SNX9: variants seen among roughly 807,000 people sequenced by gnomAD.
SNX9 encodes sorting nexin-9.
Under a neutral mutation model 89.4 loss-of-function variants are expected in SNX9, and 44 were observed. The observed-to-expected ratio is 0.49, with a 90% CI of 0.39 to 0.63. The LOEUF is 0.63. Among genes scored for constraint, SNX9 ranks in the 30% least tolerant of loss-of-function variants. The pLI is 0.00. For missense variants in SNX9, 578 were observed against 736.1 expected, an observed-to-expected ratio of 0.79 and a Z score of 2.49; for synonymous variants, 236 against 247.8, an observed-to-expected ratio of 0.95 and a Z score of 0.45.
At chr6:157,854,421 A>C (rs142285018) in intron 1 of SNX9, among the ~76,000 whole-genome samples, 76 of 152,364 alleles carry the variant, frequency 5.0e-4, no homozygotes, top group African/African-American at 8.7e-4. Context: ...AATATGAATA[A>C]ATAAAAGTCC....
chr6:157,823,514 CG>C lies in SNX9; in HGVS notation c.12+72del. On this transcript the variant is annotated intron_variant, in intron 1 of 17. Transcript: ENST00000392185. The surrounding 1 kb of genome is among the most constrained non-coding windows in gnomAD (Gnocchi z 4.6). ...GGGGCGGCGCGGAGAGGGTCGGGGC[CG>C]GGGCCGCGGGGAGGGTCGGGGCCAG... 1 of 1,101,154 alleles carries C rather than the reference CG, an allele frequency of 9.1e-7. No individual in the cohort carries two copies. The highest frequency in any genetic ancestry group is 1.1e-6 in the Non-Finnish European group (1 of 891,020). 68.2% of individuals were successfully genotyped at this position (1,101,154 alleles called of 1,614,324 possible).
chr6:157,871,688 A>T (rs1479399995), intron 2 of SNX9, among the ~76,000 whole-genome samples: 1 of 152,084 alleles, frequency 6.6e-6, no homozygotes, highest in East Asian at 1.9e-4. Context: ...AATAATTTTT[A>T]AAAATTTTTA....
At chr6:157,865,355 A>AC (rs1002897548) in intron 1 of SNX9, among the ~76,000 whole-genome samples, 3 of 152,020 alleles carry the variant, frequency 2.0e-5, no homozygotes, top group African/African-American at 7.2e-5. Flanking sequence ...AAAAAAAAAA[A>AC]AAAACACCAC....
intron 1 of SNX9, among the ~76,000 whole-genome samples, chr6:157,852,585 TTTTG>T (rs145766882): frequency 0.057 from 7,601 of 132,716 alleles, 209 homozygotes; most frequent in East Asian, 0.11. Flanking sequence ...TACTTTTTTG[TTTTG>T]TTTTTTTGAG....
rs1484938597 is a variant in SNX9, at chr6:157,894,106, C to CTTTTCTT, written c.301-2717_301-2716insCTTTTTT. ...TTCTTTTTCTTTTCGCTTTTCTTTT[C>CTTTTCTT]TTTTTTTTTTTTTTTTTTTTTGAGA... On this transcript the variant is annotated intron_variant, in intron 4 of 17. Transcript: ENST00000392185. 9.4e-4 allele frequency among the ~76,000 whole-genome samples: 84 copies of CTTTTCTT among 89,538 alleles called. 1 individual carries two copies. The highest frequency in any genetic ancestry group is 3.6e-3 in the African/African-American group (79 of 22,000). 58.7% of individuals were successfully genotyped at this position (89,538 alleles called of 152,430 possible). A position where few individuals can be genotyped will look rare whatever the true frequency, so the allele number is the denominator to read the frequency against.
chr6:157,925,265 T>TCACAAGGGG (rs1298089706), intron 10 of SNX9, among the ~76,000 whole-genome samples: 2 of 151,122 alleles, frequency 1.3e-5, no homozygotes, highest in African/African-American at 4.9e-5. Flanking sequence ...CTAATCTCAT[T>TCACAAGGGG]AGCAATCAAT....
chr6:157,906,542 A>C (rs1405322029), intron 7 of SNX9, among the ~76,000 whole-genome samples: 1 of 152,210 alleles, frequency 6.6e-6, no homozygotes, highest in Admixed American at 6.5e-5. Context: ...ACTCAATTCA[A>C]ATATTTATGT....
intron 1 of SNX9, among the ~76,000 whole-genome samples, chr6:157,826,106 C>A (rs1462041962): frequency 1.3e-5 from 2 of 152,076 alleles, no homozygotes; most frequent in Non-Finnish European, 2.9e-5. Context: ...TATCACTGAA[C>A]TATTGGGATT....
chr6:157,865,714 C>A (rs1782248141), intron 1 of SNX9, among the ~76,000 whole-genome samples: 1 of 152,198 alleles, frequency 6.6e-6, no homozygotes, highest in African/African-American at 2.4e-5. Context: ...TTATGTATTT[C>A]AAGATAGCAT....
chr6:157,910,049 C>T (rs765705183), intron 9 of SNX9, 24 bp downstream of exon 9: 1 of 1,556,146 alleles, frequency 6.4e-7, no homozygotes, highest in South Asian at 1.1e-5. Context: ...ATGCTAAACC[C>T]AGGATGACAA....
At chr6:157,878,590 G>A (rs567050481) in intron 4 of SNX9, among the ~76,000 whole-genome samples, 2 of 151,900 alleles carry the variant, frequency 1.3e-5, no homozygotes, top group South Asian at 2.1e-4. Context: ...CCGCCACTAC[G>A]CCCAGGTAAT....
intron 1 of SNX9, among the ~76,000 whole-genome samples, chr6:157,866,918 C>T (rs755093445): frequency 6.6e-6 from 1 of 152,020 alleles, no homozygotes; most frequent in Non-Finnish European, 1.5e-5. Context: ...AGAAGATAGT[C>T]TGTTGTTGTT....
At chr6:157,866,862 C>T (rs1195544538) in intron 1 of SNX9, among the ~76,000 whole-genome samples, 2 of 152,124 alleles carry the variant, frequency 1.3e-5, no homozygotes, top group Non-Finnish European at 2.9e-5. Flanking sequence ...TCAGTGTTCC[C>T]AGAATGAACA....
At chr6:157,889,857 G>A (rs1025039226) in intron 4 of SNX9, among the ~76,000 whole-genome samples, 1 of 152,180 alleles carries the variant, frequency 6.6e-6, no homozygotes, top group Non-Finnish European at 1.5e-5. Context: ...TTTTAGATGA[G>A]CCCTCACATA....
intron 4 of SNX9, among the ~76,000 whole-genome samples, chr6:157,888,327 A>G (rs1015396387): frequency 1.3e-5 from 2 of 152,144 alleles, no homozygotes; most frequent in African/African-American, 4.8e-5. Flanking sequence ...TGTGCTGCTT[A>G]TAGTTATTTT....
chr6:157,893,780 TAACTC>T (rs1782913542), intron 4 of SNX9, among the ~76,000 whole-genome samples: 1 of 152,218 alleles, frequency 6.6e-6, no homozygotes, highest in Non-Finnish European at 1.5e-5. Context: ...ATCAGTATTT[TAACTC>T]AACATTCTAA....
At position 157,896,931 on chromosome 6, in the gene SNX9, A is replaced by G. The variant is rs752576117; in HGVS notation, c.405A>G (p.Gln135=). The G allele has an allele frequency of 6.8e-6, 11 of 1,612,996 alleles. No homozygotes were observed. Among genetic ancestry groups the G allele is most frequent in the East Asian group, 6.7e-5 (3 of 44,874 alleles). Residue 135 remains glutamine (Q), a synonymous_variant, in exon 5 of 18, where the codon CAA becomes CAG. Coordinates refer to ENST00000392185, the MANE Select transcript of SNX9 (RefSeq NM_016224.5). ...CCCAGCCAGAGGGGGCTGGAGCCCA[A>G]AGAAACACAAACACTCCCAACAACT... ...WGAQPEGAGA[Q]RNTNTPNNWD...
At chr6:157,914,589 G>C (rs533528390) in intron 9 of SNX9, among the ~76,000 whole-genome samples, 2 of 143,036 alleles carry the variant, frequency 1.4e-5, no homozygotes, top group South Asian at 4.6e-4. Context: ...CAGTCTTCCA[G>C]CCTCAGCCTC....
In SNX9 at chr6:157,943,044, T is replaced by C; in HGVS notation, c.*206T>C. ...CTTTTGTTCATTTCCGCATCCATTA[T>C]TTAAACCAGTGGAAATTGTCTCTAT... On this transcript the variant is annotated 3_prime_UTR_variant, in exon 18 of 18. Coordinates refer to ENST00000392185, the MANE Select transcript of SNX9 (RefSeq NM_016224.5). 2.2e-6 allele frequency: 1 copy of C among 454,130 alleles called. No homozygotes were observed. Among genetic ancestry groups the C allele is most frequent in the South Asian group, 4.6e-5 (1 of 21,526 alleles). The allele number at this position is 454,130 out of a possible 1,614,324, so 28.1% of individuals were successfully genotyped here. A position where few individuals can be genotyped will look rare whatever the true frequency, so the allele number is the denominator to read the frequency against.
Sources: allele counts gnomAD v4.1 joint callset (sites outside exome capture counted in the v4.1 genomes callset), GRCh38; gene constraint gnomAD v4.1.1; non-coding constraint Gnocchi (gnomAD v3.1); transcripts MANE v1.5; gene names NCBI Gene and HGNC (gene_info 2026-07-23, HGNC 2026-07-21).